The following ZMYM2 variants were observed in gnomAD, a reference collection of about 807,000 sequenced individuals.
ZMYM2 encodes the protein zinc finger MYM-type protein 2.
ZMYM2 carries 56 observed loss-of-function variants against 162.8 expected under a neutral mutation model. That is an observed-to-expected ratio of 0.34 (90% confidence interval 0.28 to 0.43). ZMYM2 has a LOEUF of 0.43. ZMYM2 is among the 20% of genes least tolerant of loss of function. The pLI is 1.00. For synonymous variants in ZMYM2, 510 were observed against 541.6 expected, an observed-to-expected ratio of 0.94 and a Z score of 0.81; for missense variants, 1,275 against 1,621.8, an observed-to-expected ratio of 0.79 and a Z score of 3.67.
At chr13:19,897,846 T>C in the ZMYM2 span, among the ~76,000 whole-genome samples, 1 of 152,140 alleles carries the variant, frequency 6.6e-6, no homozygotes, top group Non-Finnish European at 1.5e-5. Flanking sequence ...TCAGACCTTA[T>C]ATGAAGTAAA....
chr13:19,941,979 C>A, the ZMYM2 span, among the ~76,000 whole-genome samples: 1 of 151,840 alleles, frequency 6.6e-6, no homozygotes, highest in Non-Finnish European at 1.5e-5. Flanking sequence ...CTCCTGAGCT[C>A]AAGTGATCCT....
At chr13:20,034,161 G>A (rs1594486136) in intron 10 of ZMYM2, 93 bp from the exon 11 acceptor site, 1 of 1,152,946 alleles carries the variant, frequency 8.7e-7, no homozygotes, top group Non-Finnish European at 1.1e-6. Context: ...ACATTAAATA[G>A]GTAAATGATT....
chr13:20,059,124 T>G (rs74035906), intron 15 of ZMYM2, among the ~76,000 whole-genome samples: 7,583 of 152,208 alleles, frequency 0.05, 578 homozygotes, highest in African/African-American at 0.16. Context: ...TGTATTCTAA[T>G]TATTTGATTA....
At chr13:19,916,427 G>T in the ZMYM2 span, among the ~76,000 whole-genome samples, 1 of 152,114 alleles carries the variant, frequency 6.6e-6, no homozygotes, top group Non-Finnish European at 1.5e-5. Context: ...GTTTATTGCG[G>T]CATTATTCAC....
chr13:20,009,565 A>G (rs1395306329), intron 6 of ZMYM2, among the ~76,000 whole-genome samples: 1 of 151,940 alleles, frequency 6.6e-6, no homozygotes, highest in Non-Finnish European at 1.5e-5. Context: ...AATAACTCCC[A>G]TTTTTTTCTA....
intron 2 of ZMYM2, among the ~76,000 whole-genome samples, chr13:19,983,200 A>G (rs1957505539): frequency 1.3e-5 from 2 of 150,472 alleles, no homozygotes; most frequent in South Asian, 2.1e-4. Flanking sequence ...GTTGGAGTAC[A>G]GTGGCACAAT....
At chr13:19,889,591 C>T in the ZMYM2 span, among the ~76,000 whole-genome samples, 1 of 151,804 alleles carries the variant, frequency 6.6e-6, no homozygotes. Context: ...AAGTGAGCCA[C>T]TGTGCCCGGC....
the ZMYM2 span, among the ~76,000 whole-genome samples, chr13:19,871,829 G>A: frequency 1.3e-5 from 2 of 152,102 alleles, no homozygotes; most frequent in Non-Finnish European, 2.9e-5. Flanking sequence ...ATTAAAGAAT[G>A]GATCATGTAC....
At chr13:20,029,802 T>A (rs980407828) in intron 9 of ZMYM2, among the ~76,000 whole-genome samples, 1 of 142,276 alleles carries the variant, frequency 7.0e-6, no homozygotes, top group African/African-American at 2.7e-5. Context: ...ATTCTGTAAA[T>A]TTTTTTTTTT....
chr13:19,992,681 T>A (rs1316570903), intron 2 of ZMYM2, among the ~76,000 whole-genome samples: 2 of 152,072 alleles, frequency 1.3e-5, no homozygotes, highest in Non-Finnish European at 2.9e-5. Context: ...ATTTTGATTT[T>A]TTTTTTTTCC....
intron 19 of ZMYM2, among the ~76,000 whole-genome samples, chr13:20,064,804 A>G (rs1054757186): frequency 1.3e-5 from 2 of 151,928 alleles, no homozygotes; most frequent in East Asian, 1.9e-4. Context: ...ATTTCTAGTA[A>G]TAATTTATTA....
intron 2 of ZMYM2, among the ~76,000 whole-genome samples, chr13:19,981,704 T>C (rs1418327265): frequency 6.6e-6 from 1 of 152,224 alleles, no homozygotes; most frequent in East Asian, 1.9e-4. Flanking sequence ...TTCTTTTCTC[T>C]CTGAATATAT....
chr13:19,980,959 G>A (rs374948261), intron 2 of ZMYM2, among the ~76,000 whole-genome samples: 3 of 151,880 alleles, frequency 2.0e-5, no homozygotes, highest in Non-Finnish European at 4.4e-5. Flanking sequence ...TATTAGTACC[G>A]TGATGAATTC....
At chr13:19,967,339 G>C (rs976695088) in intron 2 of ZMYM2, among the ~76,000 whole-genome samples, 9 of 152,182 alleles carry the variant, frequency 5.9e-5, no homozygotes, top group Non-Finnish European at 1.0e-4. Context: ...AAGGGAACTA[G>C]TGAGTACTAA....
chr13:20,087,395 T>C lies in ZMYM2; in HGVS notation c.*1381T>C, dbSNP rs1958336765. The C allele has an allele frequency of 5.3e-6, 1 of 190,354 alleles. No homozygotes were observed. The highest frequency in any genetic ancestry group is 2.0e-4 in the South Asian group (1 of 5,118). 11.8% of individuals were successfully genotyped at this position (190,354 alleles called of 1,614,324 possible). A position where few individuals can be genotyped will look rare whatever the true frequency, so the allele number is the denominator to read the frequency against. On this transcript the variant is annotated 3_prime_UTR_variant, in exon 25 of 25. Coordinates refer to ENST00000610343, the MANE Select transcript of ZMYM2 (RefSeq NM_197968.4). ...ACAAAGTGCTAGCTGCAAATTATCT[T>C]GAAATCATTTGGCTCTTTTCTAGCA...
intron 2 of ZMYM2, among the ~76,000 whole-genome samples, chr13:19,967,961 T>C (rs549225444): frequency 2.4e-4 from 37 of 152,336 alleles, no homozygotes; most frequent in African/African-American, 8.7e-4. Context: ...TTTTCATTAG[T>C]CTGCAGTGCT....
chr13:19,905,387 C>G, the ZMYM2 span, among the ~76,000 whole-genome samples: 21 of 152,296 alleles, frequency 1.4e-4, no homozygotes, highest in African/African-American at 4.8e-4. Flanking sequence ...CAGGCACAAC[C>G]ATCCAGGTTA....
At chr13:19,985,160 G>C (rs1337851948) in intron 2 of ZMYM2, among the ~76,000 whole-genome samples, 5 of 152,148 alleles carry the variant, frequency 3.3e-5, no homozygotes, top group Non-Finnish European at 4.4e-5. Flanking sequence ...GTTTCACTCT[G>C]TTGCCCAGGC....
chr13:19,907,741 A>G, the ZMYM2 span, among the ~76,000 whole-genome samples: 1 of 113,230 alleles, frequency 8.8e-6, no homozygotes, highest in African/African-American at 3.2e-5. Context: ...CAGCCTGGGC[A>G]ATGGAATGAG....
Sources: gnomAD v4.1 joint callset for allele counts (sites outside exome capture counted in the v4.1 genomes callset) on GRCh38, gnomAD v4.1.1 for gene constraint, MANE v1.5 for transcripts, NCBI Gene and HGNC (gene_info 2026-07-23, HGNC 2026-07-21) for gene names.